The following CSMD3 variants were observed in gnomAD, a reference collection of about 807,000 sequenced individuals.
CSMD3 encodes CUB and Sushi multiple domains 3.
CSMD3 carries 177 observed loss-of-function variants against 435.2 expected under a neutral mutation model. The observed-to-expected ratio is 0.41, with a 90% CI of 0.36 to 0.46. The LOEUF (loss-of-function observed/expected upper bound fraction) is 0.46, where lower values mean the gene tolerates loss of function less well. Ranked by LOEUF, CSMD3 falls within the 20% of genes least tolerant of loss-of-function variation. The probability of loss-of-function intolerance (pLI) is 0.34; values close to 1 mark genes in which losing one functional copy is unlikely to be tolerated. For missense variants in CSMD3, 4,265 were observed against 4,504.6 expected (o/e 0.95, Z 1.52); for synonymous variants, 1,656 against 1,520.5 (o/e 1.09, Z -2.07).
intron 31 of CSMD3, among the ~76,000 whole-genome samples, chr8:112,474,429 A>G (rs1452796639): frequency 6.6e-6 from 1 of 152,180 alleles, no homozygotes; most frequent in Admixed American, 6.5e-5. Flanking sequence ...TTGGAGATGC[A>G]AAGTTGAATG....
intron 23 of CSMD3, among the ~76,000 whole-genome samples, chr8:112,575,740 T>G (rs1476949279): frequency 6.6e-6 from 1 of 152,128 alleles, no homozygotes; most frequent in Non-Finnish European, 1.5e-5. Flanking sequence ...TTAAGAATAG[T>G]AGTCATTGGG....
At chr8:112,595,292 A>G (rs1241459003) in intron 22 of CSMD3, among the ~76,000 whole-genome samples, 2 of 151,872 alleles carry the variant, frequency 1.3e-5, no homozygotes, top group Admixed American at 6.6e-5. Context: ...GAATGAAATG[A>G]AGCGAGAAGG....
intron 3 of CSMD3, among the ~76,000 whole-genome samples, chr8:113,174,693 TAGC>T (rs1378277738): frequency 3.9e-5 from 6 of 151,982 alleles, no homozygotes; most frequent in African/African-American, 7.2e-5. Flanking sequence ...TTTTTGAAAA[TAGC>T]AGAACTTCAG....
chr8:112,436,976 AGTCTT>A (rs1814425688), intron 32 of CSMD3, among the ~76,000 whole-genome samples: 1 of 152,066 alleles, frequency 6.6e-6, no homozygotes, highest in Non-Finnish European at 1.5e-5. Context: ...TTTTGTATTT[AGTCTT>A]TATCCAATGT....
chr8:112,352,452 T>G lies in CSMD3; in HGVS notation c.6219A>C (p.Val2073=), dbSNP rs1207711437. 1 of 1,613,542 alleles carries G rather than the reference T, an allele frequency of 6.2e-7. No individual in the cohort carries two copies. The highest frequency in any genetic ancestry group is 1.3e-5 in the African/African-American group (1 of 74,928). The change falls in exon 39 of 71, where the codon GTA becomes GTC. Residue 2073 remains valine (V), a synonymous_variant. Coordinates refer to ENST00000297405, the MANE Select transcript of CSMD3 (RefSeq NM_198123.2). ...ATCCTTGATCACACTGAAAGGATAC[T>G]ACATCTCCAACCATATATCTGTCTC... The part of the protein sequence containing the change: ...KIGDRYMVGD[V]VSFQCDQGYS...
At chr8:112,230,313 G>A (rs924146479) in intron 69 of CSMD3, among the ~76,000 whole-genome samples, 1 of 152,154 alleles carries the variant, frequency 6.6e-6, no homozygotes, top group Non-Finnish European at 1.5e-5. Context: ...ACACAGGTAG[G>A]ATGTGATGTA....
intron 4 of CSMD3, among the ~76,000 whole-genome samples, chr8:113,131,275 C>G (rs919449158): frequency 3.3e-5 from 5 of 152,022 alleles, no homozygotes; most frequent in African/African-American, 1.2e-4. Context: ...CAGGGCATTT[C>G]AGAGATCTCC....
chr8:112,849,398 C>A (rs2080420986), intron 11 of CSMD3, among the ~76,000 whole-genome samples: 1 of 151,866 alleles, frequency 6.6e-6, no homozygotes, highest in South Asian at 2.1e-4. Context: ...CAGCTTAGTT[C>A]TTTACATTAT....
chr8:112,913,835 C>A (rs1056893346), intron 10 of CSMD3, among the ~76,000 whole-genome samples: 1 of 151,826 alleles, frequency 6.6e-6, no homozygotes, highest in Admixed American at 6.6e-5. Context: ...TTATCCTTTT[C>A]TATAAAAATT....
At chr8:112,704,104 T>A (rs1039346360) in intron 13 of CSMD3, among the ~76,000 whole-genome samples, 2 of 152,212 alleles carry the variant, frequency 1.3e-5, no homozygotes, top group African/African-American at 4.8e-5. Context: ...TCTTTTGAGA[T>A]ACAGCAAATA....
chr8:113,257,152 T>C (rs1052179475), intron 3 of CSMD3, among the ~76,000 whole-genome samples: 17 of 152,194 alleles, frequency 1.1e-4, no homozygotes, highest in Admixed American at 7.9e-4. Flanking sequence ...CTCATGCCTG[T>C]AATCCCAGCA....
intron 59 of CSMD3, among the ~76,000 whole-genome samples, chr8:112,278,813 T>C (rs1217545467): frequency 6.6e-6 from 1 of 152,096 alleles, no homozygotes; most frequent in African/African-American, 2.4e-5. Context: ...ACCCATATCA[T>C]CTCATAGCAC....
chr8:112,357,560 A>G (rs544718128), intron 38 of CSMD3, among the ~76,000 whole-genome samples: 19 of 152,310 alleles, frequency 1.2e-4, no homozygotes, highest in African/African-American at 4.3e-4. Context: ...AGAGGTCTTC[A>G]TGGCAGCCCC....
intron 1 of CSMD3, among the ~76,000 whole-genome samples, chr8:113,341,914 T>C (rs1274747680): frequency 2.0e-5 from 3 of 152,112 alleles, no homozygotes. Flanking sequence ...AAAAAATACA[T>C]AGTTTTGCTT....
chr8:112,735,424 T>C (rs1443704001), intron 13 of CSMD3, among the ~76,000 whole-genome samples: 1 of 152,026 alleles, frequency 6.6e-6, no homozygotes, highest in Non-Finnish European at 1.5e-5. Flanking sequence ...ATATTTTAGA[T>C]CAGAGGTTAC....
chr8:112,341,546 GGGT>G lies in CSMD3; in HGVS notation c.6580_6582del (p.Thr2194del). ...CTGTGAAAATATAAGCTGGTTTCATGGGTGGTGCTGAATAAGGAAGATGGTATT... is the reference window on the plus strand; with the variant it reads ...CTGTGAAAATATAAGCTGGTTTCATGGGTGCTGAATAAGGAAGATGGTATT... On this transcript the variant is annotated inframe_deletion, in exon 42 of 71. Coordinates refer to ENST00000297405, the MANE Select transcript of CSMD3 (RefSeq NM_198123.2). 6.2e-7 allele frequency: 1 copy of G among 1,613,250 alleles called. No individual in the cohort carries two copies. Among genetic ancestry groups the G allele is most frequent in the Non-Finnish European group, 8.5e-7 (1 of 1,179,422 alleles).
At chr8:113,051,323 AT>A (rs555127939) in intron 5 of CSMD3, among the ~76,000 whole-genome samples, 3 of 151,804 alleles carry the variant, frequency 2.0e-5, no homozygotes, top group Admixed American at 6.6e-5. Context: ...AATGAGGGTT[AT>A]TTTTTTTAAC....
At chr8:112,426,902 G>A (rs1182644684) in intron 32 of CSMD3, among the ~76,000 whole-genome samples, 1 of 152,114 alleles carries the variant, frequency 6.6e-6, no homozygotes, top group Non-Finnish European at 1.5e-5. Context: ...TCAGGTAATC[G>A]TGATACCTTG....
At chr8:113,338,372 T>C (rs141945397) in intron 1 of CSMD3, among the ~76,000 whole-genome samples, 28 of 152,012 alleles carry the variant, frequency 1.8e-4, no homozygotes, top group African/African-American at 6.5e-4. Context: ...GACCCAGAAA[T>C]TCCATTCCTG....
Sources: gnomAD v4.1 joint callset for allele counts (sites outside exome capture counted in the v4.1 genomes callset) on GRCh38, gnomAD v4.1.1 for gene constraint, MANE v1.5 for transcripts, NCBI Gene and HGNC (gene_info 2026-07-23, HGNC 2026-07-21) for gene names.